FUCA1: variants seen among roughly 807,000 people sequenced by gnomAD.
The protein encoded by FUCA1 is alpha-L-fucosidase 1.
In FUCA1, 52 loss-of-function variants were observed where a neutral mutation model predicts 56.8. The ratio of observed to expected loss-of-function variants is 0.92; its 90% CI spans 0.73 to 1.15. The LOEUF (loss-of-function observed/expected upper bound fraction) is 1.15, where lower values mean the gene tolerates loss of function less well. FUCA1 is among the 50% of genes most tolerant of loss of function. The probability of loss-of-function intolerance (pLI) is 0.00; values close to 1 mark genes in which losing one functional copy is unlikely to be tolerated. For synonymous variants in FUCA1, 230 were observed against 226.6 expected (o/e 1.02, Z -0.14); for missense variants, 568 against 592.6 (o/e 0.96, Z 0.43).
intron 4 of FUCA1, 54 bp downstream of exon 4, chr1:23,859,743 TC>T (rs1639467717): frequency 8.7e-7 from 1 of 1,148,240 alleles, no homozygotes; most frequent in African/African-American, 1.5e-5. Context: ...AGAGTTTGGC[TC>T]CTTGCACTTT....
At chr1:23,861,984 A>G (rs1005516456) in intron 3 of FUCA1, among the ~76,000 whole-genome samples, 2 of 152,208 alleles carry the variant, frequency 1.3e-5, no homozygotes, top group Admixed American at 6.5e-5. Context: ...CTATTATCCC[A>G]TTTCACAGAT....
At position 23,867,048 on chromosome 1, in the gene FUCA1, C is replaced by T. The variant is rs184142678; in HGVS notation, c.389+850G>A. Among the ~76,000 whole-genome samples the T allele has an allele frequency of 7.6e-4, 115 of 152,290 alleles. No homozygotes were observed. Among genetic ancestry groups the T allele is most frequent in the Admixed American group, 1.3e-3 (20 of 15,298 alleles). On this transcript the variant is annotated intron_variant, in intron 1 of 7. Transcript: ENST00000374479. The surrounding 1 kb of genome is among the most constrained non-coding windows in gnomAD (Gnocchi z 4.9). ...GAACCAAGGTAAGGATGGAAGACTG[C>T]TCTAAGCCAGGGGCTGGGGAAACCT...
At chr1:23,853,033 G>GCGCCTCTTCCCGGCCGC (rs1200156344) in intron 5 of FUCA1, among the ~76,000 whole-genome samples, 1 of 147,550 alleles carries the variant, frequency 6.8e-6, no homozygotes, top group African/African-American at 2.5e-5. Context: ...GAAGTGAGGA[G>GCGCCTCTTCCCGGCCGC]CACCTCTTCC....
At chr1:23,857,388 C>T (rs1463914320) in intron 4 of FUCA1, among the ~76,000 whole-genome samples, 2 of 152,244 alleles carry the variant, frequency 1.3e-5, no homozygotes, top group African/African-American at 2.4e-5. Context: ...CAGAGACTAG[C>T]AGAGACAGAT....
chr1:23,848,526 A>G, intron 6 of FUCA1, 123 bp downstream of exon 6: 1 of 916,360 alleles, frequency 1.1e-6, no homozygotes, highest in Non-Finnish European at 1.8e-6. Flanking sequence ...TTATAGGAAA[A>G]TAACCTTCTG....
chr1:23,860,738 A>G (rs918636238), intron 3 of FUCA1, among the ~76,000 whole-genome samples: 5 of 150,966 alleles, frequency 3.3e-5, no homozygotes, highest in African/African-American at 1.2e-4. Context: ...TGCTGGATTC[A>G]AGTGATTCTT....
At chr1:23,864,731 G>C (rs1390739533) in intron 2 of FUCA1, among the ~76,000 whole-genome samples, 1 of 148,594 alleles carries the variant, frequency 6.7e-6, no homozygotes, top group East Asian at 2.0e-4. Flanking sequence ...TTGAGACGGA[G>C]TCTCGCTCTG....
rs945059701 is a variant in FUCA1 at position 23,848,974 on chromosome 1, T to C, written c.970-135A>G. 9.9e-6 allele frequency: 8 copies of C among 807,444 alleles called. No individual in the cohort carries two copies. The African/African-American group carries it at 1.4e-4, about 14-fold the overall frequency. 50.0% of individuals were successfully genotyped at this position (807,444 alleles called of 1,614,324 possible). ...ATCCTCTGCTGTTTTAATTTTTTTT[T>C]TTTTCTTTTTGAGCTGGAGTTTCAC... is the stretch of plus-strand genomic sequence containing the variant. On this transcript the variant is annotated intron_variant, in intron 5 of 7. Coordinates refer to ENST00000374479, the MANE Select transcript of FUCA1 (RefSeq NM_000147.5).
chr1:23,854,951 G>C (rs937261452), intron 4 of FUCA1, among the ~76,000 whole-genome samples: 1 of 152,140 alleles, frequency 6.6e-6, no homozygotes, highest in Non-Finnish European at 1.5e-5. Flanking sequence ...TATAAGAGGA[G>C]AAATGAACAG....
At position 23,867,567 on chromosome 1, in the gene FUCA1, T is replaced by C. The variant is rs1214585956; in HGVS notation, c.389+331A>G. Among the ~76,000 whole-genome samples, 1 of 151,998 alleles carries C rather than the reference T, an allele frequency of 6.6e-6. No individual in the cohort carries two copies. Among genetic ancestry groups the C allele is most frequent in the Non-Finnish European group, 1.5e-5 (1 of 68,000 alleles). On this transcript the variant is annotated intron_variant, in intron 1 of 7. Coordinates refer to ENST00000374479, the MANE Select transcript of FUCA1 (RefSeq NM_000147.5). The surrounding 1 kb of genome is among the most constrained non-coding windows in gnomAD (Gnocchi z 4.9). Reference sequence around the variant, plus strand: ...GAATTAGAACCAGGCTCCACACCACTGATTTGAAACCCTGGAGTCCTGATA... The same window carrying C: ...GAATTAGAACCAGGCTCCACACCACCGATTTGAAACCCTGGAGTCCTGATA...
In FUCA1 at chr1:23,868,192, T is replaced by C. The variant is rs749337153; in HGVS notation, c.95A>G (p.Gln32Arg). Residue 32 changes from glutamine to arginine, a missense_variant, in exon 1 of 8, where the codon CAG (glutamine) becomes CGG (arginine). Physicochemically the swap from Gln to Arg is conservative, Grantham distance 43. Transcript: ENST00000374479. ...LGAAESVRRA[Q>R]PPRRYTPDWP... ...GTCTGGGGTGTAGCGGCGCGGAGGC[T>C]GGGCCCGACGCACCGACTCGGCCGC... The C allele has an allele frequency of 3.1e-5, 49 of 1,600,896 alleles. 1 individual carries two copies. In the South Asian group the frequency reaches 4.9e-4, roughly 16 times the overall value.
intron 2 of FUCA1, among the ~76,000 whole-genome samples, chr1:23,864,860 A>G (rs1314434113): frequency 6.6e-6 from 1 of 151,870 alleles, no homozygotes; most frequent in African/African-American, 2.4e-5. Context: ...AAACGCCACC[A>G]CGCCCGGCTA....
In FUCA1 at chr1:23,857,858, C is replaced by T. The variant is rs530025141; in HGVS notation, c.768+1940G>A. Among the ~76,000 whole-genome samples, 301 of 151,654 alleles carry T rather than the reference C, an allele frequency of 2.0e-3. 1 individual carries two copies. Among genetic ancestry groups the T allele is most frequent in the Non-Finnish European group, 3.7e-3 (253 of 67,880 alleles). On this transcript the variant is annotated intron_variant, in intron 4 of 7. Coordinates refer to ENST00000374479, the MANE Select transcript of FUCA1 (RefSeq NM_000147.5). Reference sequence around the variant, plus strand: ...CTAATTTTTGTATTTTCAGTAGAGACGGGGTTTCACCGTGTTAGCCAGGCT... The same window carrying T: ...CTAATTTTTGTATTTTCAGTAGAGATGGGGTTTCACCGTGTTAGCCAGGCT...
At chr1:23,860,821 TACAG>T (rs1639495099) in intron 3 of FUCA1, among the ~76,000 whole-genome samples, 2 of 151,662 alleles carry the variant, frequency 1.3e-5, no homozygotes, top group African/African-American at 2.4e-5. Flanking sequence ...ATATTTTCAG[TACAG>T]ACAGTGTTTT....
intron 4 of FUCA1, among the ~76,000 whole-genome samples, chr1:23,856,288 A>G (rs1255830371): frequency 6.6e-6 from 1 of 152,146 alleles, no homozygotes; most frequent in African/African-American, 2.4e-5. Flanking sequence ...TCTTTCTCAG[A>G]GTCCTCAGGT....
At chr1:23,856,400 G>A (rs1224405489) in intron 4 of FUCA1, among the ~76,000 whole-genome samples, 4 of 152,084 alleles carry the variant, frequency 2.6e-5, no homozygotes, top group African/African-American at 9.7e-5. Context: ...TTTGGCATTC[G>A]AACCAGTGTC....
chr1:23,845,876 T>G, intron 7 of FUCA1, 21 bp from the exon 8 acceptor site: 2 of 1,613,960 alleles, frequency 1.2e-6, no homozygotes, highest in Non-Finnish European at 8.5e-7. Flanking sequence ...CAAAAGGGAA[T>G]GAAACAAACT....
rs1026291917 is a variant in FUCA1, at chr1:23,848,816, C to A, written c.993G>T (p.Leu331Phe). 6.2e-7 allele frequency: 1 copy of A among 1,614,154 alleles called. No homozygotes were observed. Among genetic ancestry groups the A allele is most frequent in the Non-Finnish European group, 8.5e-7 (1 of 1,180,004 alleles). The change falls in exon 6 of 8, where the codon TTG (leucine) becomes TTT (phenylalanine). Residue 331 changes from leucine to phenylalanine, a missense_variant. Leu to Phe is a conservative substitution (Grantham distance 22). Coordinates refer to ENST00000374479, the MANE Select transcript of FUCA1 (RefSeq NM_000147.5). ...IISELVQTVS[L>F]GGNYLLNIGP... ...CAATGTTCAGAAGATAGTTGCCTCC[C>A]AAACTTACTGTCTGAACCAGTTCCT...
At position 23,846,162 on chromosome 1, in the gene FUCA1, T is replaced by G. The variant is rs1639135817; in HGVS notation, c.1172A>C (p.Lys391Thr). 6.2e-7 allele frequency: 1 copy of G among 1,613,234 alleles called. No individual in the cohort carries two copies. The highest frequency in any genetic ancestry group is 1.7e-5 in the Admixed American group (1 of 59,994). The change falls in exon 7 of 8, where the codon AAG becomes ACG. Residue 391 changes from lysine to threonine, a missense_variant. Coordinates refer to ENST00000374479, the MANE Select transcript of FUCA1 (RefSeq NM_000147.5). ...AAAAATGGCATAAACAGCCGATCCCTTTGAGGTATACCTGGGAAAACAGAA... is the reference window on the plus strand; with the variant it reads ...AAAAATGGCATAAACAGCCGATCCCGTTGAGGTATACCTGGGAAAACAGAA... ...KNTTSVWYTS[K>T]GSAVYAIFLH...
Sources: gnomAD v4.1 joint callset for allele counts (sites outside exome capture counted in the v4.1 genomes callset) on GRCh38, gnomAD v4.1.1 for gene constraint, Gnocchi (gnomAD v3.1) non-coding constraint, MANE v1.5 for transcripts, NCBI Gene and HGNC (gene_info 2026-07-23, HGNC 2026-07-21) for gene names.